The following SUGT1 variants were observed in gnomAD, a reference collection of about 807,000 sequenced individuals.
The protein encoded by SUGT1 is SGT1 assembly cochaperone of MIS12 kinetochore complex, also known as protein SGT1 homolog.
Under a neutral mutation model 56.1 loss-of-function variants are expected in SUGT1, and 15 were observed. The ratio of observed to expected loss-of-function variants is 0.27; its 90% CI spans 0.18 to 0.41. The LOEUF (loss-of-function observed/expected upper bound fraction) is 0.41. Ranked by LOEUF, SUGT1 falls within the 10% of genes least tolerant of loss-of-function variation. SUGT1 has a pLI of 1.00. For missense variants in SUGT1, 347 were observed against 382.2 expected (o/e 0.91, Z 0.77); for synonymous variants, 123 against 128.6 (o/e 0.96, Z 0.30).
At chr13:52,684,428 A>T (rs887683155) in intron 12 of SUGT1, among the ~76,000 whole-genome samples, 10 of 147,558 alleles carry the variant, frequency 6.8e-5, no homozygotes, top group Non-Finnish European at 1.3e-4. Flanking sequence ...TTTGTTCTAC[A>T]TTTTTTTATT....
rs1963821933 is a variant in SUGT1 at position 52,692,889 on chromosome 13, T to G, written c.*5054T>G. 6.6e-6 allele frequency: 1 copy of G among 152,130 alleles called. No homozygotes were observed. Among genetic ancestry groups the G allele is most frequent in the African/African-American group, 2.4e-5 (1 of 41,374 alleles). The allele number at this position is 152,130 out of a possible 1,614,324, so 9.4% of individuals were successfully genotyped here. ...AATCTAGATCATTACAGAGAAACAG[T>G]GTACTTTTAACAACTGTTGCATGTG... On this transcript the variant is annotated 3_prime_UTR_variant, in exon 13 of 13. Transcript: ENST00000310528.
chr13:52,658,996 T>C (rs981310366), intron 4 of SUGT1, among the ~76,000 whole-genome samples, 183 bp from the exon 5 acceptor site: 1 of 152,102 alleles, frequency 6.6e-6, no homozygotes, highest in Admixed American at 6.5e-5. Flanking sequence ...AGTTCTAAAA[T>C]TGAATTTTAG....
At chr13:52,679,785 T>C (rs544747308) in intron 11 of SUGT1, among the ~76,000 whole-genome samples, 189 bp from the exon 12 acceptor site, 1 of 152,340 alleles carries the variant, frequency 6.6e-6, no homozygotes, top group East Asian at 1.9e-4. Flanking sequence ...TTATGGTAAC[T>C]GACTCAGTTT....
At position 52,694,170 on chromosome 13, in the gene SUGT1, G is replaced by A. The variant is rs931136402; in HGVS notation, c.*6335G>A. 3 of 152,202 alleles carry A rather than the reference G, an allele frequency of 2.0e-5. No homozygotes were observed. Among genetic ancestry groups the A allele is most frequent in the African/African-American group, 7.2e-5 (3 of 41,446 alleles). The allele number at this position is 152,202 out of a possible 1,614,324, so 9.4% of individuals were successfully genotyped here. A position where few individuals can be genotyped will look rare whatever the true frequency, so the allele number is the denominator to read the frequency against. On this transcript the variant is annotated 3_prime_UTR_variant, in exon 13 of 13. Transcript: ENST00000310528. ...AAATTCTGACTTCAAAAACTCATCT[G>A]AGGGTTTTGGAATTGTGTATCTATG...
chr13:52,675,295 T>G (rs1210587977), intron 10 of SUGT1, among the ~76,000 whole-genome samples: 1 of 152,222 alleles, frequency 6.6e-6, no homozygotes, highest in Non-Finnish European at 1.5e-5. Context: ...AAAATCCACC[T>G]GGGCTTGGTG....
chr13:52,680,547 T>A (rs1477264766), intron 12 of SUGT1, among the ~76,000 whole-genome samples: 1 of 152,182 alleles, frequency 6.6e-6, no homozygotes, highest in Non-Finnish European at 1.5e-5. Context: ...GTGCACGTTA[T>A]TCATTGGTTT....
At chr13:52,679,409 GT>G (rs1305070347) in intron 11 of SUGT1, among the ~76,000 whole-genome samples, 6 of 152,120 alleles carry the variant, frequency 3.9e-5, no homozygotes. Context: ...ATTACTTACT[GT>G]TATTGCCTAT....
chr13:52,672,958 G>A (rs1963000890), intron 10 of SUGT1, among the ~76,000 whole-genome samples: 1 of 152,136 alleles, frequency 6.6e-6, no homozygotes, highest in African/African-American at 2.4e-5. Context: ...ATACTCTTTT[G>A]GGATATTAGC....
chr13:52,666,529 T>C (rs1962710131), intron 9 of SUGT1, among the ~76,000 whole-genome samples: 1 of 152,208 alleles, frequency 6.6e-6, no homozygotes. Flanking sequence ...TTTCTTGAAA[T>C]CTAAATATCA....
chr13:52,658,607 T>G, intron 4 of SUGT1, 139 bp downstream of exon 4: 1 of 723,198 alleles, frequency 1.4e-6, no homozygotes, highest in Non-Finnish European at 2.1e-6. Flanking sequence ...GATTCAATTT[T>G]AAATACAACT....
chr13:52,694,142 C>A lies in SUGT1; in HGVS notation c.*6307C>A, dbSNP rs574865609. 20 of 152,242 alleles carry A rather than the reference C, an allele frequency of 1.3e-4. No homozygotes were observed. The highest frequency in any genetic ancestry group is 5.9e-4 in the Admixed American group (9 of 15,296). The allele number at this position is 152,242 out of a possible 1,614,324, so 9.4% of individuals were successfully genotyped here. A position where few individuals can be genotyped will look rare whatever the true frequency, so the allele number is the denominator to read the frequency against. On this transcript the variant is annotated 3_prime_UTR_variant, in exon 13 of 13. Coordinates refer to ENST00000310528, the MANE Select transcript of SUGT1 (RefSeq NM_006704.5). ...TCTGTATTGCATTATCTTCTAAAAT[C>A]CAAAATTCTGACTTCAAAAACTCAT...
Position 52,665,620 on chromosome 13 carries a change from T to A in SUGT1, c.423-17T>A. 1.6e-6 allele frequency: 1 copy of A among 616,304 alleles called. No homozygotes were observed. Among genetic ancestry groups the A allele is most frequent in the Non-Finnish European group, 2.3e-6 (1 of 436,794 alleles). 38.2% of individuals were successfully genotyped at this position (616,304 alleles called of 1,614,324 possible). ...AAATTAGAAGAGTTACCTAAGTTTCTTTTTTTTTTTTAATAGGTATGACTG... is the reference window on the plus strand; with the variant it reads ...AAATTAGAAGAGTTACCTAAGTTTCATTTTTTTTTTTAATAGGTATGACTG... On this transcript the variant is annotated splice_polypyrimidine_tract_variant and intron_variant, in intron 8 of 12. Transcript: ENST00000310528.
rs1178861874 is a variant in SUGT1 at position 52,699,204 on chromosome 13, G to A, written c.*11369G>A. 1 of 152,066 alleles carries A rather than the reference G, an allele frequency of 6.6e-6. No homozygotes were observed. The highest frequency in any genetic ancestry group is 2.4e-5 in the African/African-American group (1 of 41,388). The allele number at this position is 152,066 out of a possible 1,614,324, so 9.4% of individuals were successfully genotyped here. On this transcript the variant is annotated 3_prime_UTR_variant, in exon 13 of 13. Transcript: ENST00000310528. ...ATGCTTTTTTTCTTCTTAATCTTGG[G>A]GGGTCATTATGATTAAGTTATTGAA...
At chr13:52,659,801 TATATATA>T in intron 5 of SUGT1, among the ~76,000 whole-genome samples, 1 of 16,172 alleles carries the variant, frequency 6.2e-5, no homozygotes, top group Admixed American at 1.1e-3. Context: ...TATATATATA[TATATATA>T]TATATATTTT....
intron 12 of SUGT1, among the ~76,000 whole-genome samples, chr13:52,681,704 A>G (rs1963380454): frequency 6.6e-6 from 1 of 152,010 alleles, no homozygotes; most frequent in Non-Finnish European, 1.5e-5. Context: ...CTACCTTGGC[A>G]TGATGTTGTG....
chr13:52,674,823 C>G (rs749588389), intron 10 of SUGT1, among the ~76,000 whole-genome samples: 1 of 151,916 alleles, frequency 6.6e-6, no homozygotes. Context: ...TGATATTAGC[C>G]TGTTAAAATA....
chr13:52,664,216 CTGTT>C (rs966826689), intron 8 of SUGT1, among the ~76,000 whole-genome samples, 159 bp downstream of exon 8: 24 of 152,160 alleles, frequency 1.6e-4, no homozygotes, highest in Non-Finnish European at 1.5e-5. Flanking sequence ...AATTTTAAGG[CTGTT>C]TAAGGATTAA....
chr13:52,676,640 G>C (rs1466531471), intron 11 of SUGT1, among the ~76,000 whole-genome samples: 1 of 152,148 alleles, frequency 6.6e-6, no homozygotes, highest in Non-Finnish European at 1.5e-5. Context: ...TTTTTGGGTT[G>C]TAAGTTGGTT....
intron 8 of SUGT1, 89 bp downstream of exon 8, chr13:52,664,146 C>A: frequency 3.0e-6 from 4 of 1,332,860 alleles, no homozygotes; most frequent in South Asian, 2.7e-5. Flanking sequence ...AAATTCTTAC[C>A]ATGTGATTTT....
Sources: allele counts gnomAD v4.1 joint callset (sites outside exome capture counted in the v4.1 genomes callset), GRCh38; gene constraint gnomAD v4.1.1; transcripts MANE v1.5; gene names NCBI Gene and HGNC (gene_info 2026-07-23, HGNC 2026-07-21).